CDK8: variants seen among roughly 807,000 people sequenced by gnomAD.
CDK8 encodes cyclin-dependent kinase 8.
A neutral mutation model predicts 71.5 loss-of-function variants in CDK8; 29 were observed. That is an observed-to-expected ratio of 0.41 (90% confidence interval 0.30 to 0.55). The LOEUF is 0.55. Among genes scored for constraint, CDK8 ranks in the 20% least tolerant of loss-of-function variants. The pLI is 0.37. For missense variants in CDK8, 288 were observed against 572.6 expected, an observed-to-expected ratio of 0.50 and a Z score of 5.07; for synonymous variants, 161 against 192.1, an observed-to-expected ratio of 0.84 and a Z score of 1.34.
At chr13:26,329,902 A>G (rs568223917) in intron 1 of CDK8, among the ~76,000 whole-genome samples, 38 of 152,062 alleles carry the variant, frequency 2.5e-4, no homozygotes, top group Non-Finnish European at 4.1e-4. Context: ...GCTAGTCTTT[A>G]CTATTCTCTG....
At chr13:26,348,324 T>A (rs1456447604) in intron 2 of CDK8, among the ~76,000 whole-genome samples, 1 of 152,060 alleles carries the variant, frequency 6.6e-6, no homozygotes, top group Non-Finnish European at 1.5e-5. Context: ...TCAGCACCGG[T>A]ACGTTAGGAA....
rs148130787 is a variant in CDK8, at chr13:26,326,301, G to A, written c.129-11266G>A. 6.5e-4 allele frequency among the ~76,000 whole-genome samples: 99 copies of A among 152,258 alleles called. No individual in the cohort carries two copies. The East Asian group carries it at 0.018, about 28-fold the overall frequency. On this transcript the variant is annotated intron_variant, in intron 1 of 12. Transcript: ENST00000381527. ...ATTGCATATTTTAGTTAAATCACGA[G>A]CAAATTGTACCCTGACAATAGACTC...
intron 1 of CDK8, among the ~76,000 whole-genome samples, chr13:26,309,664 A>C (rs1158408297): frequency 6.6e-6 from 1 of 152,180 alleles, no homozygotes; most frequent in South Asian, 2.1e-4. Context: ...TTTTCCCCCA[A>C]TTCTAGGCTC....
chr13:26,254,450 C>T lies in CDK8; in HGVS notation c.-192C>T. On this transcript the variant is annotated 5_prime_UTR_variant, in exon 1 of 13. Coordinates refer to ENST00000381527, the MANE Select transcript of CDK8 (RefSeq NM_001260.3). This position sits in a 1 kb window ranked among gnomAD's most constrained non-coding sequence, Gnocchi z 6.7. ...CCACCCCCGGCCGGCCTCTGCCCCG[C>T]CGTCCCCCTGGATGTCCCTGGCGCT... is the stretch of plus-strand genomic sequence containing the variant. The T allele has an allele frequency of 2.2e-6, 1 of 461,606 alleles. No homozygotes were observed. Among genetic ancestry groups the T allele is most frequent in the Non-Finnish European group, 3.9e-6 (1 of 258,378 alleles). 28.6% of individuals were successfully genotyped at this position (461,606 alleles called of 1,614,324 possible). A position where few individuals can be genotyped will look rare whatever the true frequency, so the allele number is the denominator to read the frequency against.
chr13:26,359,916 A>G (rs940504932), intron 4 of CDK8, among the ~76,000 whole-genome samples: 3 of 152,246 alleles, frequency 2.0e-5, no homozygotes, highest in Middle Eastern at 3.4e-3. Flanking sequence ...GAGTTTTGCC[A>G]TGTTGGCCAG....
chr13:26,369,648 C>T (rs1290666023), intron 4 of CDK8, among the ~76,000 whole-genome samples: 1 of 149,372 alleles, frequency 6.7e-6, no homozygotes, highest in Non-Finnish European at 1.5e-5. Flanking sequence ...CCTACCTCAG[C>T]CTCCCGAGTA....
intron 1 of CDK8, among the ~76,000 whole-genome samples, chr13:26,300,527 C>T (rs567006299): frequency 4.8e-4 from 73 of 152,188 alleles, no homozygotes; most frequent in East Asian, 1.5e-3. Flanking sequence ...ATGGATTGGG[C>T]GGGGGATTAC....
intron 1 of CDK8, among the ~76,000 whole-genome samples, chr13:26,304,972 G>A (rs1338485560): frequency 6.6e-6 from 1 of 152,042 alleles, no homozygotes; most frequent in African/African-American, 2.4e-5. Context: ...TTGGCCTGAC[G>A]ATTATATTTT....
intron 2 of CDK8, among the ~76,000 whole-genome samples, chr13:26,340,990 A>C (rs937359863): frequency 6.6e-6 from 1 of 152,200 alleles, no homozygotes. Flanking sequence ...TGTAATTCCT[A>C]GTGTAGACAT....
rs531678933 is a variant in CDK8, at chr13:26,359,294, AC to A, written c.456+5415del. Among the ~76,000 whole-genome samples the A allele has an allele frequency of 1.4e-4, 22 of 151,788 alleles. No homozygotes were observed. The East Asian group carries it at 3.9e-3, about 27-fold the overall frequency. Reference sequence around the variant, plus strand: ...GAGTTTGGAGATGTACGGTGGTTGCACAGCATTATGAATGTGCATTTAATAC... The same window carrying A: ...GAGTTTGGAGATGTACGGTGGTTGCAAGCATTATGAATGTGCATTTAATAC... On this transcript the variant is annotated intron_variant, in intron 4 of 12. Transcript: ENST00000381527.
intron 4 of CDK8, among the ~76,000 whole-genome samples, chr13:26,367,937 G>C (rs775049184): frequency 6.6e-6 from 1 of 152,162 alleles, no homozygotes; most frequent in Non-Finnish European, 1.5e-5. Context: ...TCCATGAAAG[G>C]AAGGGCAGAT....
chr13:26,393,341 T>C lies in CDK8; in HGVS notation c.647-26T>C, dbSNP rs190021037. The C allele has an allele frequency of 7.1e-4, 615 of 861,698 alleles. 1 individual carries two copies. Among genetic ancestry groups the C allele is most frequent in the Middle Eastern group, 1.3e-3 (5 of 3,850 alleles). The allele number at this position is 861,698 out of a possible 1,614,324, so 53.4% of individuals were successfully genotyped here. A position where few individuals can be genotyped will look rare whatever the true frequency, so the allele number is the denominator to read the frequency against. ...TTTTTTCCTTGCCTATTTTTCTTTC[T>C]TTTTTTTTTTCTTTTTGTTTTAAAG... On this transcript the variant is annotated intron_variant, in intron 6 of 12. Transcript: ENST00000381527.
At chr13:26,311,165 G>A (rs1177943108) in intron 1 of CDK8, among the ~76,000 whole-genome samples, 2 of 150,582 alleles carry the variant, frequency 1.3e-5, no homozygotes, top group Non-Finnish European at 2.9e-5. Context: ...TGGACTCACT[G>A]TATATTTTAC....
At chr13:26,293,115 T>G (rs1312574004) in intron 1 of CDK8, among the ~76,000 whole-genome samples, 1 of 152,192 alleles carries the variant, frequency 6.6e-6, no homozygotes, top group Admixed American at 6.5e-5. Flanking sequence ...ATAATTTCTC[T>G]TTTTGTATTT....
intron 4 of CDK8, among the ~76,000 whole-genome samples, chr13:26,373,732 A>G (rs1002850760): frequency 1.2e-4 from 19 of 152,180 alleles, no homozygotes; most frequent in Non-Finnish European, 7.4e-5. Flanking sequence ...AAATATATCA[A>G]CAAAAAAATT....
intron 1 of CDK8, among the ~76,000 whole-genome samples, chr13:26,316,210 C>G (rs554624219): frequency 3.9e-5 from 6 of 152,236 alleles, no homozygotes; most frequent in African/African-American, 1.4e-4. Flanking sequence ...AATGTAGAAA[C>G]TTAGCTGGGC....
intron 9 of CDK8, among the ~76,000 whole-genome samples, chr13:26,399,197 A>G (rs1876137115): frequency 6.6e-6 from 1 of 151,828 alleles, no homozygotes; most frequent in Non-Finnish European, 1.5e-5. Context: ...ATTAGTAGAG[A>G]TGGGGTTTCA....
intron 1 of CDK8, among the ~76,000 whole-genome samples, chr13:26,320,882 C>T (rs1874741609): frequency 6.6e-6 from 1 of 152,092 alleles, no homozygotes; most frequent in African/African-American, 2.4e-5. Context: ...CAGTTGTTGG[C>T]AAGAATGTGG....
chr13:26,336,790 G>T (rs544847109), intron 1 of CDK8, among the ~76,000 whole-genome samples: 1 of 152,040 alleles, frequency 6.6e-6, no homozygotes, highest in Admixed American at 6.5e-5. Flanking sequence ...TCCTGACCTC[G>T]TGATCTGCCT....
Sources: gnomAD v4.1 joint callset for allele counts (sites outside exome capture counted in the v4.1 genomes callset) on GRCh38, gnomAD v4.1.1 for gene constraint, Gnocchi (gnomAD v3.1) non-coding constraint, MANE v1.5 for transcripts, NCBI Gene and HGNC (gene_info 2026-07-23, HGNC 2026-07-21) for gene names.